The following SGCZ variants were observed in gnomAD, a reference collection of about 807,000 sequenced individuals.
The protein encoded by SGCZ is zeta-sarcoglycan.
SGCZ carries 40 observed loss-of-function variants against 41.3 expected under a neutral mutation model. The ratio of observed to expected loss-of-function variants is 0.97; its 90% confidence interval spans 0.75 to 1.26. The LOEUF is 1.26. Among genes scored for constraint, SGCZ ranks in the 50% most tolerant of loss-of-function variants. The pLI is 0.00. For missense variants in SGCZ, 552 were observed against 369.8 expected (o/e 1.49, Z -4.04); for synonymous variants, 206 against 137.5 (o/e 1.50, Z -3.49).
At chr8:14,784,895 T>A (rs1473820257) in intron 1 of SGCZ, among the ~76,000 whole-genome samples, 2 of 20,492 alleles carry the variant, frequency 9.8e-5, no homozygotes, top group Non-Finnish European at 1.8e-4. Context: ...AGAGTGAAAC[T>A]CTGCCTCAAA....
chr8:14,975,375 C>T (rs962413686), intron 1 of SGCZ, among the ~76,000 whole-genome samples: 8 of 152,058 alleles, frequency 5.3e-5, no homozygotes, highest in African/African-American at 1.7e-4. Flanking sequence ...AGCGTTCCAT[C>T]GAAGCACAAT....
At chr8:14,141,149 T>C (rs1187978182) in intron 5 of SGCZ, among the ~76,000 whole-genome samples, 1 of 152,198 alleles carries the variant, frequency 6.6e-6, no homozygotes, top group Non-Finnish European at 1.5e-5. Flanking sequence ...ATTCCTTCGT[T>C]ACACCTTGTA....
intron 1 of SGCZ, among the ~76,000 whole-genome samples, chr8:15,036,905 G>A (rs973257599): frequency 6.6e-6 from 1 of 152,058 alleles, no homozygotes; most frequent in South Asian, 2.1e-4. Context: ...TGATCAAGTA[G>A]GGTTTATCCG....
intron 1 of SGCZ, among the ~76,000 whole-genome samples, chr8:14,778,426 G>A (rs1322282676): frequency 6.6e-6 from 1 of 151,880 alleles, no homozygotes; most frequent in African/African-American, 2.4e-5. Flanking sequence ...CTTTTTTCCT[G>A]GGAAAACAGT....
At chr8:14,469,969 A>C (rs929030501) in intron 2 of SGCZ, among the ~76,000 whole-genome samples, 2 of 152,156 alleles carry the variant, frequency 1.3e-5, no homozygotes, top group East Asian at 1.9e-4. Context: ...GATCCACTCC[A>C]GCAAGTTAAT....
chr8:14,579,180 G>C (rs1804807159), intron 1 of SGCZ, among the ~76,000 whole-genome samples: 1 of 152,070 alleles, frequency 6.6e-6, no homozygotes, highest in African/African-American at 2.4e-5. Context: ...TACTCTATTA[G>C]CTAAAATGTC....
chr8:14,504,259 T>C (rs984095847), intron 2 of SGCZ, among the ~76,000 whole-genome samples: 22 of 152,232 alleles, frequency 1.4e-4, no homozygotes, highest in African/African-American at 4.8e-4. Flanking sequence ...TTTTAAAGTA[T>C]AAAAGATTTT....
At chr8:14,312,428 G>C (rs888620586) in intron 3 of SGCZ, among the ~76,000 whole-genome samples, 3 of 152,072 alleles carry the variant, frequency 2.0e-5, no homozygotes, top group African/African-American at 4.8e-5. Context: ...TTCGGGTAGT[G>C]AAAGAATATA....
intron 1 of SGCZ, among the ~76,000 whole-genome samples, chr8:14,901,910 A>C (rs993498507): frequency 1.3e-5 from 2 of 152,206 alleles, no homozygotes; most frequent in African/African-American, 4.8e-5. Flanking sequence ...TGAGAAATTG[A>C]TTCTTGTTTA....
At chr8:14,091,360 G>T (rs1002617503) in intron 7 of SGCZ, among the ~76,000 whole-genome samples, 1 of 151,910 alleles carries the variant, frequency 6.6e-6, no homozygotes, top group Admixed American at 6.6e-5. Context: ...CCACAAATGG[G>T]ATTGCTGGGT....
At chr8:14,344,319 G>A (rs1802816728) in intron 2 of SGCZ, among the ~76,000 whole-genome samples, 1 of 151,532 alleles carries the variant, frequency 6.6e-6, no homozygotes, top group Admixed American at 6.6e-5. Context: ...AGAAGTCTAT[G>A]AAACTGGAAC....
intron 2 of SGCZ, among the ~76,000 whole-genome samples, chr8:14,519,909 T>C (rs893751635): frequency 6.6e-6 from 1 of 152,160 alleles, no homozygotes; most frequent in Non-Finnish European, 1.5e-5. Flanking sequence ...AGAGTGGTTA[T>C]GTCGTATCTC....
intron 2 of SGCZ, among the ~76,000 whole-genome samples, chr8:14,451,439 T>A (rs980126818): frequency 2.6e-5 from 4 of 152,162 alleles, no homozygotes; most frequent in African/African-American, 9.7e-5. Flanking sequence ...CTCCTTATAG[T>A]TTACATTTTT....
At chr8:14,588,111 G>A (rs556701138) in intron 1 of SGCZ, among the ~76,000 whole-genome samples, 5 of 151,654 alleles carry the variant, frequency 3.3e-5, no homozygotes, top group Non-Finnish European at 5.9e-5. Flanking sequence ...GACTGTTTCA[G>A]GTATATTAGT....
intron 1 of SGCZ, among the ~76,000 whole-genome samples, chr8:14,880,353 T>C (rs192747854): frequency 1.5e-4 from 23 of 152,286 alleles, no homozygotes; most frequent in African/African-American, 5.5e-4. Context: ...ACACTGTTGG[T>C]GGGACTGTAA....
chr8:14,797,083 T>C (rs1273087634), intron 1 of SGCZ, among the ~76,000 whole-genome samples: 1 of 152,152 alleles, frequency 6.6e-6, no homozygotes, highest in Non-Finnish European at 1.5e-5. Context: ...GGTAAATTGG[T>C]ACCAGAAGAG....
intron 1 of SGCZ, among the ~76,000 whole-genome samples, chr8:14,920,708 T>A (rs911326832): frequency 6.6e-6 from 1 of 152,196 alleles, no homozygotes; most frequent in Admixed American, 6.5e-5. Context: ...AGACTTTCCC[T>A]AAAACTGTAA....
At chr8:14,746,938 G>A (rs1179358056) in intron 1 of SGCZ, among the ~76,000 whole-genome samples, 2 of 152,126 alleles carry the variant, frequency 1.3e-5, no homozygotes, top group African/African-American at 4.8e-5. Context: ...AATTTACATG[G>A]AATGGGTTCA....
chr8:14,335,606 C>G (rs558116568), intron 2 of SGCZ, among the ~76,000 whole-genome samples: 30 of 152,272 alleles, frequency 2.0e-4, no homozygotes, highest in African/African-American at 6.7e-4. Context: ...AAATCAAGCT[C>G]CTGCCACAGG....
Sources: allele counts gnomAD v4.1 joint callset (sites outside exome capture counted in the v4.1 genomes callset), GRCh38; gene constraint gnomAD v4.1.1; transcripts MANE v1.5; gene names NCBI Gene and HGNC (gene_info 2026-07-23, HGNC 2026-07-21).